Variants in ST6GALNAC5 observed in about 807,000 individuals in gnomAD.
ST6GALNAC5 encodes alpha-N-acetylgalactosaminide alpha-2,6-sialyltransferase 5.
A neutral mutation model predicts 33.6 loss-of-function variants in ST6GALNAC5; 27 were observed. The observed-to-expected ratio is 0.80, with a 90% CI of 0.59 to 1.11. The LOEUF is 1.11. Ranked by LOEUF, ST6GALNAC5 falls within the 50% of genes least tolerant of loss-of-function variation. The pLI, the probability that ST6GALNAC5 is intolerant of heterozygous loss-of-function variation, is 0.00. For synonymous variants in ST6GALNAC5, 194 were observed against 171.2 expected (o/e 1.13, Z -1.04); for missense variants, 428 against 454.0 (o/e 0.94, Z 0.52).
At chr1:76,912,237 G>C (rs1272602632) in intron 2 of ST6GALNAC5, among the ~76,000 whole-genome samples, 2 of 152,156 alleles carry the variant, frequency 1.3e-5, no homozygotes, top group Non-Finnish European at 2.9e-5. Context: ...GAGTGGTTTT[G>C]AGTGAGTTTC....
At position 77,053,149 on chromosome 1, in the gene ST6GALNAC5, C is replaced by T. The variant is rs1652283906; in HGVS notation, c.779+2784C>T. On this transcript the variant is annotated intron_variant, in intron 4 of 4. Transcript: ENST00000477717. ...AGAGAATGAAAAAGCAACTGGTAGG[C>T]TAGTCTGCTACTCATTTGACCATTC... Among the ~76,000 whole-genome samples the T allele has an allele frequency of 2.0e-5, 3 of 152,148 alleles. No homozygotes were observed. The South Asian group carries it at 6.2e-4, about 31-fold the overall frequency.
intron 2 of ST6GALNAC5, among the ~76,000 whole-genome samples, chr1:76,962,286 A>G (rs1350675145): frequency 6.6e-6 from 1 of 152,226 alleles, no homozygotes; most frequent in East Asian, 1.9e-4. Context: ...TATCGCTGCC[A>G]TAAGGAGTTG....
intron 2 of ST6GALNAC5, among the ~76,000 whole-genome samples, chr1:76,883,287 G>A (rs1653824750): frequency 6.6e-6 from 1 of 152,196 alleles, no homozygotes; most frequent in Non-Finnish European, 1.5e-5. Context: ...CCACATGCAA[G>A]TCTCCCTGAC....
chr1:76,899,475 A>C (rs543980582), intron 2 of ST6GALNAC5, among the ~76,000 whole-genome samples: 31 of 152,230 alleles, frequency 2.0e-4, no homozygotes, highest in African/African-American at 7.0e-4. Context: ...GGGGGCACAG[A>C]GACAAGAGGT....
At chr1:76,975,543 G>C (rs1168010656) in intron 2 of ST6GALNAC5, among the ~76,000 whole-genome samples, 1 of 152,130 alleles carries the variant, frequency 6.6e-6, no homozygotes, top group African/African-American at 2.4e-5. Flanking sequence ...TTAATAGGTG[G>C]ATATATGTAA....
chr1:76,923,731 A>G (rs9662288), intron 2 of ST6GALNAC5, among the ~76,000 whole-genome samples: 52,593 of 151,892 alleles, frequency 0.35, 10,328 homozygotes, highest in Non-Finnish European at 0.44. Flanking sequence ...ACAAACAAAA[A>G]AAACAGTTCC....
At chr1:76,986,555 CT>C (rs1649505139) in intron 2 of ST6GALNAC5, among the ~76,000 whole-genome samples, 1 of 152,176 alleles carries the variant, frequency 6.6e-6, no homozygotes, top group African/African-American at 2.4e-5. Context: ...CACTTTTACA[CT>C]GTTGGTGGGA....
chr1:76,971,107 G>A (rs758549162), intron 2 of ST6GALNAC5, among the ~76,000 whole-genome samples: 9 of 152,138 alleles, frequency 5.9e-5, no homozygotes, highest in Non-Finnish European at 1.0e-4. Flanking sequence ...TTAGGGATGA[G>A]CTTTATTGAA....
At chr1:77,016,210 CT>C (rs1650841247) in intron 2 of ST6GALNAC5, among the ~76,000 whole-genome samples, 2 of 103,308 alleles carry the variant, frequency 1.9e-5, no homozygotes, top group Non-Finnish European at 2.0e-5. Flanking sequence ...CCTCCCCCTC[CT>C]CCTCCTGTAT....
At chr1:77,050,956 A>G (rs1241414512) in intron 4 of ST6GALNAC5, among the ~76,000 whole-genome samples, 1 of 152,226 alleles carries the variant, frequency 6.6e-6, no homozygotes, top group Non-Finnish European at 1.5e-5. Context: ...AAATGCACTC[A>G]GCAATATTCA....
chr1:76,877,579 C>G (rs1653675763), intron 2 of ST6GALNAC5, among the ~76,000 whole-genome samples: 1 of 152,218 alleles, frequency 6.6e-6, no homozygotes, highest in South Asian at 2.1e-4. Context: ...CACTGGACCC[C>G]TAGAAATTTT....
At chr1:76,948,277 C>T (rs1647601214) in intron 2 of ST6GALNAC5, among the ~76,000 whole-genome samples, 1 of 152,064 alleles carries the variant, frequency 6.6e-6, no homozygotes, top group South Asian at 2.1e-4. Context: ...AGTGGGTGGC[C>T]CACAAGAGGA....
intron 2 of ST6GALNAC5, among the ~76,000 whole-genome samples, chr1:77,039,643 G>C (rs1219223243): frequency 6.6e-6 from 1 of 152,206 alleles, no homozygotes; most frequent in Non-Finnish European, 1.5e-5. Flanking sequence ...TTAATTAAAT[G>C]ATTTTTCTTA....
chr1:77,062,742 G>A (rs1334888498), intron 4 of ST6GALNAC5, among the ~76,000 whole-genome samples: 3 of 152,122 alleles, frequency 2.0e-5, no homozygotes, highest in South Asian at 2.1e-4. Context: ...GAGACTGAAT[G>A]TTCTGCAGCT....
At chr1:76,971,959 TA>T (rs1204509613) in intron 2 of ST6GALNAC5, among the ~76,000 whole-genome samples, 1 of 152,206 alleles carries the variant, frequency 6.6e-6, no homozygotes, top group East Asian at 1.9e-4. Flanking sequence ...CCTCTCAACA[TA>T]ATGTGTTACT....
At chr1:76,942,952 A>G (rs1189417453) in intron 2 of ST6GALNAC5, among the ~76,000 whole-genome samples, 1 of 152,154 alleles carries the variant, frequency 6.6e-6, no homozygotes, top group Non-Finnish European at 1.5e-5. Flanking sequence ...ATTTTGAGCC[A>G]TAACAAATTC....
chr1:76,922,759 C>A (rs1647046968), intron 2 of ST6GALNAC5, among the ~76,000 whole-genome samples: 1 of 151,518 alleles, frequency 6.6e-6, no homozygotes, highest in Non-Finnish European at 1.5e-5. Context: ...GGCAACATGG[C>A]AAAAAGTCTC....
intron 2 of ST6GALNAC5, among the ~76,000 whole-genome samples, chr1:76,889,453 G>T (rs1653967786): frequency 6.6e-6 from 1 of 152,056 alleles, no homozygotes; most frequent in African/African-American, 2.4e-5. Context: ...AAGAAGTTCT[G>T]TTGATGGTAA....
rs150835736 is a variant in ST6GALNAC5, at chr1:76,949,712, G to A, written c.261+80970G>A. Among the ~76,000 whole-genome samples, 430 of 152,196 alleles carry A rather than the reference G, an allele frequency of 2.8e-3. 1 individual carries two copies. Among genetic ancestry groups the A allele is most frequent in the Non-Finnish European group, 4.8e-3 (328 of 67,978 alleles). On this transcript the variant is annotated intron_variant, in intron 2 of 4. Coordinates refer to ENST00000477717, the MANE Select transcript of ST6GALNAC5 (RefSeq NM_030965.3). ...GCAGAGTCACCAGGTTGATCAACTC[G>A]AGAGGCATCCCTCCCACAGTGACTC...
Sources: allele counts gnomAD v4.1 joint callset (sites outside exome capture counted in the v4.1 genomes callset), GRCh38; gene constraint gnomAD v4.1.1; transcripts MANE v1.5; gene names NCBI Gene and HGNC (gene_info 2026-07-23, HGNC 2026-07-21).